Variants in DCAF5 observed in about 807,000 individuals in gnomAD.
DCAF5 encodes the protein DDB1 and CUL4 associated factor 5, also known as DDB1- and CUL4-associated factor 5.
In DCAF5, 9 loss-of-function variants were observed where a neutral mutation model predicts 80.7. The observed-to-expected ratio is 0.11, with a 90% CI of 0.07 to 0.19. DCAF5 has a LOEUF of 0.19. Ranked by LOEUF, DCAF5 falls within the 10% of genes least tolerant of loss-of-function variation. The pLI, the probability that DCAF5 is intolerant of heterozygous loss-of-function variation, is 1.00. For synonymous variants in DCAF5, 433 were observed against 461.9 expected, an observed-to-expected ratio of 0.94 and a Z score of 0.80; for missense variants, 842 against 1,205.7, an observed-to-expected ratio of 0.70 and a Z score of 4.47.
intron 1 of DCAF5, among the ~76,000 whole-genome samples, chr14:69,150,055 G>A (rs567886446): frequency 6.0e-4 from 91 of 152,306 alleles, no homozygotes; most frequent in African/African-American, 2.1e-3. Flanking sequence ...ACACAGCTGT[G>A]TACTCATAAT....
chr14:69,125,826 G>A (rs1254598428), intron 1 of DCAF5, among the ~76,000 whole-genome samples: 2 of 152,094 alleles, frequency 1.3e-5, no homozygotes, highest in Non-Finnish European at 1.5e-5. Flanking sequence ...GAAAGGATAT[G>A]AAAGGGATAA....
chr14:69,059,327 G>A (rs1448235446), intron 8 of DCAF5, among the ~76,000 whole-genome samples: 4 of 152,190 alleles, frequency 2.6e-5, no homozygotes, highest in Non-Finnish European at 5.9e-5. Context: ...AGCCAGGAAG[G>A]TGGCAGTAAA....
At chr14:69,148,521 C>T (rs918189441) in intron 1 of DCAF5, among the ~76,000 whole-genome samples, 1 of 152,018 alleles carries the variant, frequency 6.6e-6, no homozygotes, top group East Asian at 1.9e-4. Context: ...ATGGTGAAAC[C>T]CCGTTTCTAC....
At chr14:69,057,016 C>T (rs905536466) in intron 8 of DCAF5, among the ~76,000 whole-genome samples, 1 of 152,070 alleles carries the variant, frequency 6.6e-6, no homozygotes, top group Admixed American at 6.5e-5. Context: ...TTGGAGTGCA[C>T]AAGAATCACC....
intron 1 of DCAF5, among the ~76,000 whole-genome samples, chr14:69,140,702 G>A (rs972058949): frequency 2.0e-5 from 3 of 152,162 alleles, no homozygotes; most frequent in Non-Finnish European, 4.4e-5. Context: ...AAAGGATGGA[G>A]TAACATTAGC....
chr14:69,054,464 G>C lies in DCAF5; in HGVS notation c.2222C>G (p.Pro741Arg), dbSNP rs145705724. 2.5e-6 allele frequency: 4 copies of C among 1,614,030 alleles called. No homozygotes were observed. In the South Asian group the frequency reaches 4.4e-5, roughly 18 times the overall value. ...GTGCTCATGGCCTGGGCCATTGCTGGGAGTTCTAGGAGTCTCTTCTTTAAA... is the reference window on the plus strand; with the variant it reads ...GTGCTCATGGCCTGGGCCATTGCTGCGAGTTCTAGGAGTCTCTTCTTTAAA... ...DTFKEETPRTPSNGPGHEHSS... is the reference protein window; with the variant it reads ...DTFKEETPRTRSNGPGHEHSS... The change falls in exon 9 of 9, where the codon CCC becomes CGC. Residue 741 changes from proline to arginine, a missense_variant. Physicochemically the swap from Pro to Arg is moderately radical, Grantham distance 103. Transcript: ENST00000341516.
At chr14:69,125,357 C>T (rs2040842467) in intron 1 of DCAF5, among the ~76,000 whole-genome samples, 1 of 152,186 alleles carries the variant, frequency 6.6e-6, no homozygotes, top group African/African-American at 2.4e-5. Context: ...CAGAACAGGA[C>T]TGCCTGAATT....
intron 1 of DCAF5, among the ~76,000 whole-genome samples, chr14:69,144,123 T>C (rs372398771): frequency 6.6e-6 from 1 of 152,172 alleles, no homozygotes; most frequent in East Asian, 1.9e-4. Flanking sequence ...CTTGCCTTTC[T>C]ATACTACAAA....
chr14:69,115,565 C>T (rs904337230), intron 5 of DCAF5, among the ~76,000 whole-genome samples: 7 of 152,132 alleles, frequency 4.6e-5, no homozygotes, highest in East Asian at 3.8e-4. Flanking sequence ...TAGCAATACA[C>T]GGAAGTTTTT....
At chr14:69,072,049 G>A (rs778693118) in intron 7 of DCAF5, among the ~76,000 whole-genome samples, 6 of 152,148 alleles carry the variant, frequency 3.9e-5, no homozygotes, top group Non-Finnish European at 7.3e-5. Flanking sequence ...GCACAGCTGG[G>A]GGTGTCATTA....
chr14:69,127,548 C>T (rs1462514497), intron 1 of DCAF5, among the ~76,000 whole-genome samples: 1 of 152,124 alleles, frequency 6.6e-6, no homozygotes, highest in African/African-American at 2.4e-5. Flanking sequence ...CTGTATGATA[C>T]TGTAATGATG....
At chr14:69,143,761 A>G (rs11622889) in intron 1 of DCAF5, 46,333 of 152,112 alleles carry the variant, frequency 0.3, 9,411 homozygotes, top group East Asian at 0.91. Flanking sequence ...CTTGAAAAGC[A>G]GTTATTGGAA....
Position 69,054,814 on chromosome 14 carries a change from G to C in DCAF5, c.1872C>G (p.Asp624Glu), listed in dbSNP as rs2037891403. The C allele has an allele frequency of 3.7e-6, 6 of 1,614,222 alleles. No individual in the cohort carries two copies. Among genetic ancestry groups the C allele is most frequent in the Non-Finnish European group, 4.2e-6 (5 of 1,180,048 alleles). ...GGGACGAGGTTGGGGAGGAGGAGAG[G>C]TCATCCACTTTGATCTGGGGGTAAT... ...NYDYPQIKVD[D>E]LSSSPTSSPE... is the part of the protein sequence containing the mutation. The change falls in exon 9 of 9, where the codon GAC becomes GAG. Residue 624 changes from aspartate (D) to glutamate (E), a missense_variant. Coordinates refer to ENST00000341516, the MANE Select transcript of DCAF5 (RefSeq NM_003861.3).
intron 6 of DCAF5, chr14:69,090,949 C>T: frequency 6.5e-6 from 4 of 613,380 alleles, no homozygotes; most frequent in Non-Finnish European, 1.2e-5. Context: ...TCTTTCTTCC[C>T]ATTTGTCTTT....
At chr14:69,151,912 G>A (rs1422687044) in intron 1 of DCAF5, among the ~76,000 whole-genome samples, 1 of 152,212 alleles carries the variant, frequency 6.6e-6, no homozygotes, top group Non-Finnish European at 1.5e-5. Context: ...AGAGCCCGGG[G>A]GCAACCAGGC....
intron 1 of DCAF5, among the ~76,000 whole-genome samples, chr14:69,134,044 C>T (rs2041120505): frequency 6.6e-6 from 1 of 152,146 alleles, no homozygotes; most frequent in South Asian, 2.1e-4. Context: ...TTTCTCCTTA[C>T]ACCAGAGTCA....
intron 5 of DCAF5, among the ~76,000 whole-genome samples, chr14:69,094,047 G>A (rs796254951): frequency 6.6e-6 from 1 of 152,224 alleles, no homozygotes; most frequent in South Asian, 2.1e-4. Flanking sequence ...AAAACAATGA[G>A]AGGCTTTCAA....
chr14:69,091,970 G>T, intron 5 of DCAF5, 83 bp from the exon 6 acceptor site: 1 of 1,158,974 alleles, frequency 8.6e-7, no homozygotes, highest in Non-Finnish European at 1.2e-6. Flanking sequence ...ATGACCTCCT[G>T]TCAAGCTTGC....
intron 7 of DCAF5, among the ~76,000 whole-genome samples, chr14:69,071,738 A>G (rs140605282): frequency 1.3e-5 from 2 of 152,196 alleles, no homozygotes; most frequent in African/African-American, 4.8e-5. Context: ...TCCTCATCTA[A>G]GCATTCAAAG....
Sources: allele counts gnomAD v4.1 joint callset (sites outside exome capture counted in the v4.1 genomes callset), GRCh38; gene constraint gnomAD v4.1.1; transcripts MANE v1.5; gene names NCBI Gene and HGNC (gene_info 2026-07-23, HGNC 2026-07-21).